The following RSPO3 variants were observed in gnomAD, a reference collection of about 807,000 sequenced individuals.
RSPO3 encodes R-spondin-3.
A neutral mutation model predicts 36.5 loss-of-function variants in RSPO3; 17 were observed. The ratio of observed to expected loss-of-function variants is 0.47; its 90% confidence interval spans 0.32 to 0.70. The LOEUF is 0.70. Ranked by LOEUF, RSPO3 falls within the 30% of genes least tolerant of loss-of-function variation. The pLI, the probability that RSPO3 is intolerant of heterozygous loss-of-function variation, is 0.04. For missense variants in RSPO3, 294 were observed against 322.5 expected, an observed-to-expected ratio of 0.91 and a Z score of 0.68; for synonymous variants, 108 against 107.0, an observed-to-expected ratio of 1.01 and a Z score of -0.06.
chr6:127,166,931 TTTATA>T (rs985545771), intron 4 of RSPO3, among the ~76,000 whole-genome samples: 1 of 151,990 alleles, frequency 6.6e-6, no homozygotes, highest in African/African-American at 2.4e-5. Context: ...AGGATGCCTA[TTTATA>T]TGTTTTATCC....
At chr6:127,186,954 A>T (rs1190651751) in intron 4 of RSPO3, among the ~76,000 whole-genome samples, 1 of 152,174 alleles carries the variant, frequency 6.6e-6, no homozygotes, top group Non-Finnish European at 1.5e-5. Context: ...GAAATTTTTC[A>T]AAGAGGCTGT....
At chr6:127,163,504 T>C (rs1389829550) in intron 4 of RSPO3, among the ~76,000 whole-genome samples, 2 of 152,124 alleles carry the variant, frequency 1.3e-5, no homozygotes, top group Non-Finnish European at 2.9e-5. Flanking sequence ...ATTATTAGCA[T>C]GACAAAATGT....
chr6:127,184,001 G>T (rs943518828), intron 4 of RSPO3, among the ~76,000 whole-genome samples: 2 of 151,904 alleles, frequency 1.3e-5, no homozygotes, highest in Non-Finnish European at 1.5e-5. Flanking sequence ...GAAAAAGGGG[G>T]AAAAGCCCCT....
At chr6:127,189,839 G>T (rs1015003853) in intron 4 of RSPO3, among the ~76,000 whole-genome samples, 1 of 152,120 alleles carries the variant, frequency 6.6e-6, no homozygotes, top group African/African-American at 2.4e-5. Flanking sequence ...GGTAAATCAG[G>T]TAGCTTTAAA....
At chr6:127,195,654 T>G (rs186987465) in intron 4 of RSPO3, among the ~76,000 whole-genome samples, 169 bp from the exon 5 acceptor site, 11 of 152,332 alleles carry the variant, frequency 7.2e-5, no homozygotes, top group Non-Finnish European at 1.5e-4. Flanking sequence ...TTTACATTGT[T>G]TGGAATATAC....
At chr6:127,130,836 G>GT (rs978299141) in intron 1 of RSPO3, among the ~76,000 whole-genome samples, 36 of 151,252 alleles carry the variant, frequency 2.4e-4, no homozygotes, top group East Asian at 1.7e-3. Flanking sequence ...TTTATGATGA[G>GT]TTTTTTTTTA....
intron 4 of RSPO3, among the ~76,000 whole-genome samples, chr6:127,172,056 T>C (rs1369625235): frequency 6.6e-6 from 1 of 151,334 alleles, no homozygotes; most frequent in Non-Finnish European, 1.5e-5. Flanking sequence ...ATCTTCTAAC[T>C]ACAAGCACCT....
chr6:127,121,520 C>T (rs1272493176), intron 1 of RSPO3, among the ~76,000 whole-genome samples: 1 of 152,176 alleles, frequency 6.6e-6, no homozygotes, highest in African/African-American at 2.4e-5. Context: ...CTTGCTCCTT[C>T]GCACTTGAGT....
intron 4 of RSPO3, among the ~76,000 whole-genome samples, chr6:127,166,682 C>T (rs1466123671): frequency 6.6e-6 from 1 of 151,804 alleles, no homozygotes; most frequent in Non-Finnish European, 1.5e-5. Context: ...ATGGATAAAC[C>T]AAAGATGTGA....
At chr6:127,147,461 G>GT (rs913902483) in intron 1 of RSPO3, among the ~76,000 whole-genome samples, 10 of 151,134 alleles carry the variant, frequency 6.6e-5, no homozygotes, top group South Asian at 4.2e-4. Context: ...AAGGATTATG[G>GT]TTTTTTTTTC....
At chr6:127,187,078 G>A (rs1447767265) in intron 4 of RSPO3, among the ~76,000 whole-genome samples, 1 of 152,176 alleles carries the variant, frequency 6.6e-6, no homozygotes, top group Non-Finnish European at 1.5e-5. Flanking sequence ...GATGGAAGAT[G>A]GTGGTTGAAG....
Position 127,195,816 on chromosome 6 carries a change from A to T in RSPO3, c.635-7A>T, listed in dbSNP as rs111444332. On this transcript the variant is annotated splice_polypyrimidine_tract_variant and splice_region_variant and intron_variant, in intron 4 of 4. Coordinates refer to ENST00000356698, the MANE Select transcript of RSPO3 (RefSeq NM_032784.5). The stretch of plus-strand genomic sequence containing the variant: ...GTAATTTTTAAAAGAGTATCCTTTC[A>T]TTTCAGGAAAAAAAGGAAGGGAGAG... 4.7e-6 allele frequency: 7 copies of T among 1,493,716 alleles called. No individual in the cohort carries two copies. 92.5% of individuals were successfully genotyped at this position (1,493,716 alleles called of 1,614,324 possible).
At chr6:127,168,495 G>A (rs925439721) in intron 4 of RSPO3, among the ~76,000 whole-genome samples, 4 of 152,070 alleles carry the variant, frequency 2.6e-5, no homozygotes, top group Non-Finnish European at 5.9e-5. Context: ...GTACATTCTG[G>A]ATATTAGCCC....
In RSPO3 at chr6:127,198,908, G is replaced by A. The variant is rs1017004377; in HGVS notation, c.*2901G>A. Among the ~76,000 whole-genome samples, 1 of 152,194 alleles carries A rather than the reference G, an allele frequency of 6.6e-6. No individual in the cohort carries two copies. The highest frequency in any genetic ancestry group is 1.5e-5 in the Non-Finnish European group (1 of 68,036). ...CCCTGCTTTTCTCAAAAGTGAAAAT[G>A]TATAGGCTCTCAGAGGAGACAGATT... On this transcript the variant is annotated 3_prime_UTR_variant, in exon 5 of 5. Transcript: ENST00000356698.
At chr6:127,180,110 C>G (rs575483658) in intron 4 of RSPO3, among the ~76,000 whole-genome samples, 1 of 151,780 alleles carries the variant, frequency 6.6e-6, no homozygotes, top group East Asian at 1.9e-4. Flanking sequence ...CAGATGTGTC[C>G]TCTGGAAATA....
chr6:127,135,026 C>T (rs866098182), intron 1 of RSPO3, among the ~76,000 whole-genome samples: 5 of 152,094 alleles, frequency 3.3e-5, no homozygotes, highest in African/African-American at 4.8e-5. Context: ...TTAGACAAAA[C>T]GTGAGGGTGT....
At chr6:127,130,541 A>C (rs749352762) in intron 1 of RSPO3, among the ~76,000 whole-genome samples, 61 of 152,168 alleles carry the variant, frequency 4.0e-4, no homozygotes, top group Non-Finnish European at 6.3e-4. Context: ...TGCACTGCAC[A>C]CATCTAATAG....
intron 2 of RSPO3, 60 bp downstream of exon 2, chr6:127,148,899 A>G (rs2503112): frequency 0.051 from 63,992 of 1,248,702 alleles, 3,335 homozygotes; most frequent in African/African-American, 0.24. Context: ...CCAGATTGAA[A>G]TGGCCTCTAA....
Position 127,197,276 on chromosome 6 carries a change from TA to T in RSPO3, c.*1271del. The T allele has an allele frequency of 1.1e-6, 1 of 897,802 alleles. No individual in the cohort carries two copies. The highest frequency in any genetic ancestry group is 1.6e-6 in the Non-Finnish European group (1 of 608,720). 55.6% of individuals were successfully genotyped at this position (897,802 alleles called of 1,614,324 possible). A position where few individuals can be genotyped will look rare whatever the true frequency, so the allele number is the denominator to read the frequency against. ...CATTTTCTTATTTTAATCAACATTC[TA>T]ATTATAGACACATGGGCCTCCCTAG... On this transcript the variant is annotated 3_prime_UTR_variant, in exon 5 of 5. Coordinates refer to ENST00000356698, the MANE Select transcript of RSPO3 (RefSeq NM_032784.5).
Sources: gnomAD v4.1 joint callset for allele counts (sites outside exome capture counted in the v4.1 genomes callset) on GRCh38, gnomAD v4.1.1 for gene constraint, MANE v1.5 for transcripts, NCBI Gene and HGNC (gene_info 2026-07-23, HGNC 2026-07-21) for gene names.